The following PDSS2 variants were observed in gnomAD, a reference collection of about 807,000 sequenced individuals.
PDSS2 encodes decaprenyl diphosphate synthase subunit 2, also known as all trans-polyprenyl-diphosphate synthase PDSS2.
In PDSS2, 31 loss-of-function variants were observed where a neutral mutation model predicts 44.5. The observed-to-expected ratio is 0.70, with a 90% CI of 0.52 to 0.94. The LOEUF is 0.94. Ranked by LOEUF, PDSS2 falls within the 40% of genes least tolerant of loss-of-function variation. The pLI is 0.00. For missense variants in PDSS2, 452 were observed against 482.2 expected (o/e 0.94, Z 0.59); for synonymous variants, 157 against 180.3 (o/e 0.87, Z 1.03).
intron 4 of PDSS2, among the ~76,000 whole-genome samples, chr6:107,235,327 G>A (rs139246645): frequency 6.6e-6 from 1 of 152,128 alleles, no homozygotes; most frequent in African/African-American, 2.4e-5. Context: ...TCCAGGGAAA[G>A]AATCACCCAG....
chr6:107,364,273 A>G (rs981998894), intron 1 of PDSS2, among the ~76,000 whole-genome samples: 2 of 152,180 alleles, frequency 1.3e-5, no homozygotes, highest in Admixed American at 1.3e-4. Flanking sequence ...GGTCGATGGG[A>G]CTGGGCGCCG....
At chr6:107,226,500 G>A (rs540530232) in intron 4 of PDSS2, among the ~76,000 whole-genome samples, 1 of 152,164 alleles carries the variant, frequency 6.6e-6, no homozygotes, top group South Asian at 2.1e-4. Flanking sequence ...AGATGGAAAA[G>A]TGTGTTCCAA....
chr6:107,237,152 C>T (rs1243059942), intron 4 of PDSS2, among the ~76,000 whole-genome samples: 1 of 152,102 alleles, frequency 6.6e-6, no homozygotes, highest in Non-Finnish European at 1.5e-5. Flanking sequence ...AAGCTGGTCT[C>T]AAACTCCTTG....
At position 107,374,735 on chromosome 6, in the gene PDSS2, A is replaced by G. The variant is rs1363158940; in HGVS notation, c.297-40403T>C. 9.9e-5 allele frequency among the ~76,000 whole-genome samples: 15 copies of G among 152,074 alleles called. 1 individual carries two copies. Among genetic ancestry groups the G allele is most frequent in the Admixed American group, 7.9e-4 (12 of 15,282 alleles). On this transcript the variant is annotated intron_variant, in intron 1 of 7. Coordinates refer to ENST00000369037, the MANE Select transcript of PDSS2 (RefSeq NM_020381.4). Reference sequence around the variant, plus strand: ...TTTATTTTTGGTTAATGTTCCTTATATTATCTCTTTAATCATTTTAAACAG... The same window carrying G: ...TTTATTTTTGGTTAATGTTCCTTATGTTATCTCTTTAATCATTTTAAACAG...
At chr6:107,172,461 C>G (rs1187484861) in intron 7 of PDSS2, among the ~76,000 whole-genome samples, 1 of 152,126 alleles carries the variant, frequency 6.6e-6, no homozygotes, top group Non-Finnish European at 1.5e-5. Flanking sequence ...GAGGCTGAGG[C>G]AGGAGAATCA....
chr6:107,424,036 CTTTTTTTTT>C (rs56318621), intron 1 of PDSS2, among the ~76,000 whole-genome samples: 6,901 of 90,822 alleles, frequency 0.076, 347 homozygotes, highest in South Asian at 0.22. Context: ...TATCTTGCAT[CTTTTTTTTT>C]TTTTTTTTTT....
intron 3 of PDSS2, among the ~76,000 whole-genome samples, chr6:107,273,496 TAAAC>T: frequency 2.0e-5 from 3 of 152,266 alleles, no homozygotes; most frequent in Admixed American, 2.0e-4. Context: ...AGGAATCTGA[TAAAC>T]AAGTGGTATT....
At chr6:107,251,742 T>G (rs1162251140) in intron 3 of PDSS2, among the ~76,000 whole-genome samples, 1 of 152,194 alleles carries the variant, frequency 6.6e-6, no homozygotes, top group East Asian at 1.9e-4. Flanking sequence ...ACAAAAACTC[T>G]TATCAGTGAA....
At chr6:107,268,352 G>A (rs935707044) in intron 3 of PDSS2, among the ~76,000 whole-genome samples, 3 of 151,864 alleles carry the variant, frequency 2.0e-5, no homozygotes, top group African/African-American at 4.8e-5. Flanking sequence ...TTTGAAATAT[G>A]TATTTATTTC....
intron 2 of PDSS2, among the ~76,000 whole-genome samples, chr6:107,279,560 C>G (rs1436909765): frequency 6.6e-6 from 1 of 152,188 alleles, no homozygotes; most frequent in Non-Finnish European, 1.5e-5. Context: ...TCCCTTAAAT[C>G]AGACCCGTGG....
At chr6:107,397,854 T>C (rs9386638) in intron 1 of PDSS2, among the ~76,000 whole-genome samples, 28,477 of 152,092 alleles carry the variant, frequency 0.19, 2,782 homozygotes, top group East Asian at 0.31. Flanking sequence ...TCAGTGGTGA[T>C]ACTAATAAAT....
intron 1 of PDSS2, among the ~76,000 whole-genome samples, chr6:107,347,697 A>G (rs1778297713): frequency 6.6e-6 from 1 of 152,214 alleles, no homozygotes; most frequent in South Asian, 2.1e-4. Flanking sequence ...ATGGCTAATC[A>G]AAAGAAATAA....
chr6:107,369,436 A>T (rs902691231), intron 1 of PDSS2, among the ~76,000 whole-genome samples: 1 of 152,050 alleles, frequency 6.6e-6, no homozygotes, highest in African/African-American at 2.4e-5. Flanking sequence ...ATAATAAAAT[A>T]AAAAACTAAA....
intron 6 of PDSS2, among the ~76,000 whole-genome samples, chr6:107,207,865 T>C (rs1369177049): frequency 2.0e-5 from 3 of 150,872 alleles, no homozygotes; most frequent in African/African-American, 7.3e-5. Context: ...CCACCTCGGC[T>C]TCTCAAAGTG....
At chr6:107,391,301 A>G (rs1415377170) in intron 1 of PDSS2, among the ~76,000 whole-genome samples, 1 of 152,138 alleles carries the variant, frequency 6.6e-6, no homozygotes, top group Non-Finnish European at 1.5e-5. Flanking sequence ...TAAAAATACC[A>G]TGTGTAATGA....
chr6:107,360,920 C>G (rs1334576665), intron 1 of PDSS2, among the ~76,000 whole-genome samples: 1 of 152,222 alleles, frequency 6.6e-6, no homozygotes, highest in East Asian at 1.9e-4. Context: ...TTTTATGGTA[C>G]ATGAAAATTT....
At chr6:107,198,631 G>C (rs2114556230) in intron 6 of PDSS2, among the ~76,000 whole-genome samples, 1 of 152,136 alleles carries the variant, frequency 6.6e-6, no homozygotes, top group Non-Finnish European at 1.5e-5. Context: ...ATTCTGATAT[G>C]GTGTTTTCTC....
chr6:107,305,367 A>G (rs1211882125), intron 2 of PDSS2, among the ~76,000 whole-genome samples: 1 of 152,060 alleles, frequency 6.6e-6, no homozygotes, highest in East Asian at 1.9e-4. Flanking sequence ...ATGCCTCCTC[A>G]CATCAGAACC....
intron 7 of PDSS2, chr6:107,192,381 A>C: frequency 2.0e-6 from 1 of 512,484 alleles, no homozygotes; most frequent in South Asian, 1.5e-5. Flanking sequence ...GACCCCAGGG[A>C]AAGGCCCAGG....
Sources: allele counts gnomAD v4.1 joint callset (sites outside exome capture counted in the v4.1 genomes callset), GRCh38; gene constraint gnomAD v4.1.1; transcripts MANE v1.5; gene names NCBI Gene and HGNC (gene_info 2026-07-23, HGNC 2026-07-21).